Variants in RNGTT observed in about 807,000 individuals in gnomAD.
RNGTT encodes mRNA-capping enzyme.
RNGTT carries 33 observed loss-of-function variants against 79.3 expected under a neutral mutation model. The ratio of observed to expected loss-of-function variants is 0.42; its 90% CI spans 0.32 to 0.56. The LOEUF (loss-of-function observed/expected upper bound fraction) is 0.56. RNGTT is among the 20% of genes least tolerant of loss of function. The pLI, the probability that RNGTT is intolerant of heterozygous loss-of-function variation, is 0.17. For synonymous variants in RNGTT, 222 were observed against 235.9 expected, an observed-to-expected ratio of 0.94 and a Z score of 0.54; for missense variants, 497 against 739.1, an observed-to-expected ratio of 0.67 and a Z score of 3.80.
At position 88,709,284 on chromosome 6, in the gene RNGTT, GAC is replaced by G. The variant is rs553459237; in HGVS notation, c.1440-30867_1440-30866del. On this transcript the variant is annotated intron_variant, in intron 13 of 15. Transcript: ENST00000369485. ...TGCACCACTGCATTCCAGCCTGGGTGACAGAGTGAGACTCAGTCTTCAAAAAA... is the reference window on the plus strand; with the variant it reads ...TGCACCACTGCATTCCAGCCTGGGTGAGAGTGAGACTCAGTCTTCAAAAAA... 2.1e-3 allele frequency among the ~76,000 whole-genome samples: 308 copies of G among 149,984 alleles called. 2 individuals are homozygous for G. The highest frequency in any genetic ancestry group is 7.4e-3 in the African/African-American group (301 of 40,438).
At chr6:88,896,334 A>AC (rs1399445575) in intron 6 of RNGTT, among the ~76,000 whole-genome samples, 4 of 152,128 alleles carry the variant, frequency 2.6e-5, no homozygotes, top group Non-Finnish European at 4.4e-5. Context: ...AGCACGAATA[A>AC]CCCCTAACTC....
intron 2 of RNGTT, among the ~76,000 whole-genome samples, chr6:88,931,187 T>TAA (rs34070183): frequency 0.13 from 13,102 of 101,708 alleles, 769 homozygotes; most frequent in Middle Eastern, 0.19. Flanking sequence ...TATAAAGCTG[T>TAA]AAAAAAAAAA....
chr6:88,865,630 A>G (rs1782142544), intron 8 of RNGTT, among the ~76,000 whole-genome samples: 1 of 152,160 alleles, frequency 6.6e-6, no homozygotes, highest in African/African-American at 2.4e-5. Context: ...TAAATTTTGT[A>G]AAATCAGACG....
At chr6:88,847,705 G>A (rs1236084941) in intron 10 of RNGTT, among the ~76,000 whole-genome samples, 1 of 151,904 alleles carries the variant, frequency 6.6e-6, no homozygotes, top group East Asian at 1.9e-4. Context: ...ATAAAATATA[G>A]ATTAATTTCT....
intron 13 of RNGTT, among the ~76,000 whole-genome samples, chr6:88,718,706 T>A (rs545744511): frequency 6.6e-6 from 1 of 152,210 alleles, no homozygotes; most frequent in Non-Finnish European, 1.5e-5. Context: ...CTAATCAGAC[T>A]GAAGTTGCAA....
chr6:88,846,390 C>G (rs1781483275), intron 10 of RNGTT, among the ~76,000 whole-genome samples: 1 of 152,182 alleles, frequency 6.6e-6, no homozygotes, highest in African/African-American at 2.4e-5. Flanking sequence ...TTCAAGTAAT[C>G]TGGCCCTCTA....
In RNGTT at chr6:88,831,694, C is replaced by T. The variant is rs146633134; in HGVS notation, c.1269+12663G>A. The stretch of plus-strand genomic sequence containing the variant: ...TGATTGCATATTTAGAAAACTCCAC[C>T]GTCTCAGCCCCAAATCAACTTAAGC... On this transcript the variant is annotated intron_variant, in intron 11 of 15. Transcript: ENST00000369485. Among the ~76,000 whole-genome samples the T allele has an allele frequency of 1.4e-3, 220 of 152,234 alleles. 1 individual carries two copies. Among genetic ancestry groups the T allele is most frequent in the African/African-American group, 4.9e-3 (205 of 41,542 alleles).
chr6:88,726,152 T>A (rs954972906), intron 13 of RNGTT, among the ~76,000 whole-genome samples: 1 of 152,134 alleles, frequency 6.6e-6, no homozygotes, highest in Admixed American at 6.6e-5. Context: ...TATGACCCTG[T>A]AACACTCCAA....
In RNGTT at chr6:88,709,445, C is replaced by T. The variant is rs575288900; in HGVS notation, c.1440-31026G>A. On this transcript the variant is annotated intron_variant, in intron 13 of 15. Coordinates refer to ENST00000369485, the MANE Select transcript of RNGTT (RefSeq NM_003800.5). ...TACAACATCTGAACTCCTTTTAGAA[C>T]GCAAGCTAAAGCTGCAGTTATCCAA... is the stretch of plus-strand genomic sequence containing the variant. 6.6e-5 allele frequency among the ~76,000 whole-genome samples: 10 copies of T among 152,230 alleles called. No homozygotes were observed. In the South Asian group the frequency reaches 1.5e-3, roughly 22 times the overall value.
intron 4 of RNGTT, among the ~76,000 whole-genome samples, chr6:88,921,697 T>G (rs1784169962): frequency 1.3e-5 from 2 of 152,166 alleles, no homozygotes; most frequent in Admixed American, 1.3e-4. Flanking sequence ...AATTATCATT[T>G]TGCTGATTTT....
chr6:88,665,243 C>G (rs1243557918), intron 14 of RNGTT, among the ~76,000 whole-genome samples: 1 of 152,160 alleles, frequency 6.6e-6, no homozygotes, highest in Non-Finnish European at 1.5e-5. Context: ...GCGCAGAAGA[C>G]AACCCTCCTG....
At chr6:88,915,070 C>T (rs1423370853) in intron 4 of RNGTT, among the ~76,000 whole-genome samples, 1 of 152,080 alleles carries the variant, frequency 6.6e-6, no homozygotes, top group East Asian at 1.9e-4. Flanking sequence ...CAATGAGATA[C>T]CATCTCATAC....
chr6:88,878,928 A>C (rs1340731411), intron 8 of RNGTT, among the ~76,000 whole-genome samples: 1 of 152,188 alleles, frequency 6.6e-6, no homozygotes, highest in Non-Finnish European at 1.5e-5. Flanking sequence ...TATTCTCCTC[A>C]GCATGTAAAA....
At chr6:88,702,882 T>C (rs983244660) in intron 13 of RNGTT, among the ~76,000 whole-genome samples, 6 of 151,872 alleles carry the variant, frequency 4.0e-5, no homozygotes, top group Non-Finnish European at 8.8e-5. Context: ...CATTAAGAAA[T>C]AGGCAAAAGA....
chr6:88,798,320 C>A (rs373106672), intron 12 of RNGTT, among the ~76,000 whole-genome samples: 1 of 152,072 alleles, frequency 6.6e-6, no homozygotes, highest in Non-Finnish European at 1.5e-5. Context: ...CAAAAATTAG[C>A]AAGGCGTGGT....
At chr6:88,664,992 A>G (rs1349640303) in intron 14 of RNGTT, among the ~76,000 whole-genome samples, 1 of 152,186 alleles carries the variant, frequency 6.6e-6, no homozygotes, top group Non-Finnish European at 1.5e-5. Context: ...GTGGGGGGAC[A>G]TGAAGTGATT....
At chr6:88,786,318 C>T (rs1779227806) in intron 12 of RNGTT, among the ~76,000 whole-genome samples, 1 of 152,108 alleles carries the variant, frequency 6.6e-6, no homozygotes, top group African/African-American at 2.4e-5. Flanking sequence ...CTAAAATCAA[C>T]TTATAAAAGC....
chr6:88,927,649 CA>C (rs1447600665), intron 4 of RNGTT, among the ~76,000 whole-genome samples: 1 of 131,112 alleles, frequency 7.6e-6, no homozygotes, highest in Non-Finnish European at 1.6e-5. Context: ...GGAACAAGAG[CA>C]AAACTCCATC....
chr6:88,811,449 T>C (rs184392290), intron 11 of RNGTT, among the ~76,000 whole-genome samples: 1 of 152,106 alleles, frequency 6.6e-6, no homozygotes, highest in Non-Finnish European at 1.5e-5. Flanking sequence ...TACCATATGA[T>C]TGACTCTGAG....
Sources: allele counts gnomAD v4.1 joint callset (sites outside exome capture counted in the v4.1 genomes callset), GRCh38; gene constraint gnomAD v4.1.1; transcripts MANE v1.5; gene names NCBI Gene and HGNC (gene_info 2026-07-23, HGNC 2026-07-21).